The following MEGF9 variants were observed in gnomAD, a reference collection of about 807,000 sequenced individuals.
MEGF9 encodes multiple EGF like domains 9.
A neutral mutation model predicts 46.8 loss-of-function variants in MEGF9; 6 were observed. The observed-to-expected ratio is 0.13, with a 90% CI of 0.07 to 0.25. The LOEUF (loss-of-function observed/expected upper bound fraction) is 0.25. Among genes scored for constraint, MEGF9 ranks in the 10% least tolerant of loss-of-function variants. The probability of loss-of-function intolerance (pLI) is 1.00; values close to 1 mark genes in which losing one functional copy is unlikely to be tolerated. For synonymous variants in MEGF9, 302 were observed against 330.7 expected, an observed-to-expected ratio of 0.91 and a Z score of 0.94; for missense variants, 683 against 792.4, an observed-to-expected ratio of 0.86 and a Z score of 1.66.
chr9:120,612,343 T>G (rs1392298044), intron 4 of MEGF9, 53 bp downstream of exon 4: 1 of 1,574,248 alleles, frequency 6.4e-7, no homozygotes, highest in Non-Finnish European at 8.6e-7. Flanking sequence ...TTATACCTAT[T>G]GATAACTGAT....
chr9:120,666,635 C>T (rs1050247189), intron 1 of MEGF9, among the ~76,000 whole-genome samples: 2 of 152,146 alleles, frequency 1.3e-5, no homozygotes, highest in African/African-American at 4.8e-5. Context: ...CCCAGCAATT[C>T]CACTCCTAGG....
At chr9:120,650,159 C>G (rs898895135) in intron 2 of MEGF9, among the ~76,000 whole-genome samples, 44 of 152,218 alleles carry the variant, frequency 2.9e-4, no homozygotes, top group African/African-American at 1.1e-3. Flanking sequence ...ATCCCAGCTA[C>G]TTGGGAGGCT....
chr9:120,682,483 G>A (rs1436138883), intron 1 of MEGF9, among the ~76,000 whole-genome samples: 1 of 152,088 alleles, frequency 6.6e-6, no homozygotes, highest in Admixed American at 6.6e-5. Flanking sequence ...GGTGTGCAGT[G>A]GTATAACCTA....
intron 2 of MEGF9, among the ~76,000 whole-genome samples, chr9:120,638,068 C>T (rs937612275): frequency 6.6e-6 from 1 of 152,076 alleles, no homozygotes; most frequent in Non-Finnish European, 1.5e-5. Context: ...TCACAGCTCA[C>T]TGCAGCCTTG....
Position 120,714,161 on chromosome 9 carries a change from G to C in MEGF9, c.198C>G (p.Pro66=). ...CCGTGGGAGCCGTCGCCCTAGGGAA[G>C]GGGTGGCTGGGCTCGCCCCGCAACC... ...GPGLRGEPSH[P]FPRATAPTAQ... Residue 66 remains proline, a synonymous_variant, in exon 1 of 6, where the codon CCC becomes CCG. Transcript: ENST00000373930. 8.1e-7 allele frequency: 1 copy of C among 1,235,662 alleles called. No homozygotes were observed. Among genetic ancestry groups the C allele is most frequent in the Non-Finnish European group, 1.0e-6 (1 of 990,570 alleles). The allele number at this position is 1,235,662 out of a possible 1,614,324, so 76.5% of individuals were successfully genotyped here. A position where few individuals can be genotyped will look rare whatever the true frequency, so the allele number is the denominator to read the frequency against.
At position 120,631,487 on chromosome 9, in the gene MEGF9, A is replaced by ATTT. The variant is rs35207016; in HGVS notation, c.804-8735_804-8733dup. Among the ~76,000 whole-genome samples the ATTT allele has an allele frequency of 4.7e-4, 69 of 146,010 alleles. 1 individual carries two copies. Among genetic ancestry groups the ATTT allele is most frequent in the African/African-American group, 1.6e-3 (64 of 39,510 alleles). ...TGTGGTTCCATATGAATTTGATTGC[A>ATTT]TTTTTTTTTTTTTCTGAGATGGAGT... is the stretch of plus-strand genomic sequence containing the variant. On this transcript the variant is annotated intron_variant, in intron 2 of 5. Coordinates refer to ENST00000373930, the MANE Select transcript of MEGF9 (RefSeq NM_001080497.3).
chr9:120,697,718 C>T (rs1280040481), intron 1 of MEGF9, among the ~76,000 whole-genome samples: 1 of 152,144 alleles, frequency 6.6e-6, no homozygotes, highest in East Asian at 1.9e-4. Context: ...TCCCAACCTC[C>T]ACTCCACACC....
chr9:120,674,975 T>C (rs1238878874), intron 1 of MEGF9, among the ~76,000 whole-genome samples: 1 of 151,816 alleles, frequency 6.6e-6, no homozygotes, highest in Non-Finnish European at 1.5e-5. Context: ...GCCTTCTGGA[T>C]TCACGCCATT....
rs908084925 is a variant in MEGF9 at position 120,659,527 on chromosome 9, C to T, written c.650G>A (p.Cys217Tyr). ...SVVGSLNVNR[C>Y]NQTTGQCECR... is the part of the protein sequence containing the mutation. ...CTCACACTGCCCTGTGGTCTGGTTG[C>T]AGCGATTCACATTCAGGCTTCCAAC... The change falls in exon 2 of 6, where the codon TGC becomes TAC. Residue 217 changes from cysteine to tyrosine, a missense_variant. Around this residue, in one of 2 missense-constraint regions of MEGF9, gnomAD observed 370 missense variants for 371.3 expected, o/e 1.00. Coordinates refer to ENST00000373930, the MANE Select transcript of MEGF9 (RefSeq NM_001080497.3). 6.2e-7 allele frequency: 1 copy of T among 1,613,436 alleles called. No individual in the cohort carries two copies.
At chr9:120,635,366 C>A (rs144412612) in intron 2 of MEGF9, among the ~76,000 whole-genome samples, 2 of 152,190 alleles carry the variant, frequency 1.3e-5, no homozygotes, top group African/African-American at 2.4e-5. Context: ...TTTCTCCACA[C>A]GCTTGGGAAT....
rs764275105 is a variant in MEGF9, at chr9:120,713,928, G to T, written c.431C>A (p.Ala144Glu). 5 of 1,361,520 alleles carry T rather than the reference G, an allele frequency of 3.7e-6. No individual in the cohort carries two copies. The African/African-American group carries it at 7.5e-5, about 20-fold the overall frequency. 84.3% of individuals were successfully genotyped at this position (1,361,520 alleles called of 1,614,324 possible). Reference protein sequence around the residue: ...STTSQAPTRPAPTTLSTTTGP... With the variant: ...STTSQAPTRPEPTTLSTTTGP... ...AGTGGTCGTCGAAAGGGTGGTCGGC[G>T]CGGGTCTGGTCGGCGCCTGAGAGGT... Residue 144 changes from alanine to glutamate, a missense_variant, in exon 1 of 6, where the codon GCG becomes GAG. Around this residue, in one of 2 missense-constraint regions of MEGF9, gnomAD observed 370 missense variants for 371.3 expected, o/e 1.00. Transcript: ENST00000373930.
intron 2 of MEGF9, among the ~76,000 whole-genome samples, chr9:120,643,768 C>A (rs1250803991): frequency 1.3e-5 from 2 of 151,004 alleles, no homozygotes; most frequent in Admixed American, 6.6e-5. Flanking sequence ...CATCATGGCT[C>A]ACTATAGCCT....
At chr9:120,639,239 G>C (rs2043591698) in intron 2 of MEGF9, among the ~76,000 whole-genome samples, 1 of 151,972 alleles carries the variant, frequency 6.6e-6, no homozygotes, top group Non-Finnish European at 1.5e-5. Flanking sequence ...GCAGGGCACG[G>C]TGCTCATGCC....
chr9:120,650,063 A>G (rs925328689), intron 2 of MEGF9, among the ~76,000 whole-genome samples: 1 of 152,132 alleles, frequency 6.6e-6, no homozygotes, highest in African/African-American at 2.4e-5. Context: ...TCAGGAGTTC[A>G]AGACCAGCCT....
chr9:120,614,121 T>G (rs772854045), intron 3 of MEGF9, among the ~76,000 whole-genome samples: 2 of 152,104 alleles, frequency 1.3e-5, no homozygotes, highest in Non-Finnish European at 2.9e-5. Flanking sequence ...ATCTTCAGGT[T>G]CAAGTGATCC....
intron 4 of MEGF9, among the ~76,000 whole-genome samples, chr9:120,609,986 A>T (rs1285140308): frequency 6.6e-6 from 1 of 151,534 alleles, no homozygotes; most frequent in African/African-American, 2.4e-5. Flanking sequence ...GTTTTAGTAT[A>T]TTCCCAGAGT....
chr9:120,707,782 C>T (rs1304390025), intron 1 of MEGF9, among the ~76,000 whole-genome samples: 1 of 152,166 alleles, frequency 6.6e-6, no homozygotes, highest in Non-Finnish European at 1.5e-5. Flanking sequence ...GTGGCTCACA[C>T]CTGTAATCCC....
chr9:120,654,631 T>C (rs2043668503), intron 2 of MEGF9, among the ~76,000 whole-genome samples: 1 of 152,252 alleles, frequency 6.6e-6, no homozygotes, highest in Non-Finnish European at 1.5e-5. Flanking sequence ...TTTACTATAC[T>C]ACAGTTTTTA....
At chr9:120,670,570 A>G (rs2043744591) in intron 1 of MEGF9, among the ~76,000 whole-genome samples, 1 of 152,218 alleles carries the variant, frequency 6.6e-6, no homozygotes. Flanking sequence ...CATTGCCAGC[A>G]TTGGCTATTC....
Sources: gnomAD v4.1 joint callset for allele counts (sites outside exome capture counted in the v4.1 genomes callset) on GRCh38, gnomAD v4.1.1 for gene constraint, gnomAD v4.1.1 regional missense constraint, MANE v1.5 for transcripts, NCBI Gene and HGNC (gene_info 2026-07-23, HGNC 2026-07-21) for gene names.